The following MARCHF11 variants were observed in gnomAD, a reference collection of about 807,000 sequenced individuals.
MARCHF11 encodes membrane associated ring-CH-type finger 11.
Under a neutral mutation model 37.3 loss-of-function variants are expected in MARCHF11, and 29 were observed. The observed-to-expected ratio is 0.78, with a 90% confidence interval of 0.58 to 1.06. MARCHF11 has a LOEUF of 1.06. Among genes scored for constraint, MARCHF11 ranks in the 50% least tolerant of loss-of-function variants. MARCHF11 has a pLI of 0.00. For missense variants in MARCHF11, 482 were observed against 533.4 expected, an observed-to-expected ratio of 0.90 and a Z score of 0.95; for synonymous variants, 233 against 228.0, an observed-to-expected ratio of 1.02 and a Z score of -0.20.
At chr5:16,155,961 C>T (rs909117454) in intron 2 of MARCHF11, among the ~76,000 whole-genome samples, 3 of 151,902 alleles carry the variant, frequency 2.0e-5, no homozygotes, top group Non-Finnish European at 4.4e-5. Context: ...CTACTCCAGA[C>T]GGCTCTCAAA....
chr5:16,087,986 T>TTC (rs976555510), intron 3 of MARCHF11, among the ~76,000 whole-genome samples: 131 of 152,360 alleles, frequency 8.6e-4, no homozygotes, highest in African/African-American at 3.1e-3. Flanking sequence ...GCCAACCTGT[T>TTC]TCTTCTACTT....
At chr5:16,126,126 C>T (rs142805461) in intron 2 of MARCHF11, among the ~76,000 whole-genome samples, 1 of 152,276 alleles carries the variant, frequency 6.6e-6, no homozygotes, top group African/African-American at 2.4e-5. Context: ...CAATTAAGTA[C>T]TGTAACCTAG....
At chr5:16,079,067 G>A (rs1235635308) in intron 3 of MARCHF11, among the ~76,000 whole-genome samples, 1 of 152,134 alleles carries the variant, frequency 6.6e-6, no homozygotes, top group Non-Finnish European at 1.5e-5. Context: ...TGGATGGTTT[G>A]ACCCCTGACT....
chr5:16,103,744 T>C (rs1390347396), intron 2 of MARCHF11, among the ~76,000 whole-genome samples: 1 of 152,168 alleles, frequency 6.6e-6, no homozygotes, highest in Non-Finnish European at 1.5e-5. Flanking sequence ...TTAACTGACC[T>C]GGCAGTTTCT....
chr5:16,115,169 T>C (rs553269809), intron 2 of MARCHF11, among the ~76,000 whole-genome samples: 1 of 152,346 alleles, frequency 6.6e-6, no homozygotes, highest in Admixed American at 6.5e-5. Flanking sequence ...TAACTTAAAA[T>C]GAAGTATCGA....
intron 3 of MARCHF11, among the ~76,000 whole-genome samples, chr5:16,081,893 T>C (rs914536162): frequency 2.0e-5 from 3 of 152,158 alleles, no homozygotes; most frequent in Non-Finnish European, 4.4e-5. Flanking sequence ...TGCACAGCAC[T>C]AAGGGGCAAG....
At chr5:16,178,132 C>T (rs1389311980) in intron 1 of MARCHF11, among the ~76,000 whole-genome samples, 1 of 152,202 alleles carries the variant, frequency 6.6e-6, no homozygotes, top group Non-Finnish European at 1.5e-5. Flanking sequence ...ATATAGCTCC[C>T]AATACCCGTG....
intron 2 of MARCHF11, among the ~76,000 whole-genome samples, chr5:16,120,918 G>A (rs1303922085): frequency 6.6e-6 from 1 of 152,196 alleles, no homozygotes. Flanking sequence ...GAACTGCCCA[G>A]CTGAGCCCAG....
chr5:16,171,821 A>T (rs1289047901), intron 2 of MARCHF11, among the ~76,000 whole-genome samples: 1 of 152,200 alleles, frequency 6.6e-6, no homozygotes, highest in Non-Finnish European at 1.5e-5. Context: ...TCTTCTTGTC[A>T]TCCTGACTTG....
intron 3 of MARCHF11, among the ~76,000 whole-genome samples, chr5:16,085,119 C>T (rs1032366306): frequency 1.3e-5 from 2 of 152,042 alleles, no homozygotes; most frequent in Non-Finnish European, 2.9e-5. Flanking sequence ...AGCTATTTTT[C>T]TTGAAGCAAT....
intron 2 of MARCHF11, among the ~76,000 whole-genome samples, chr5:16,175,302 A>G (rs1427618171): frequency 1.3e-5 from 2 of 152,234 alleles, no homozygotes; most frequent in Non-Finnish European, 2.9e-5. Flanking sequence ...GCAACAGTAG[A>G]CAGTCAAAAC....
intron 3 of MARCHF11, among the ~76,000 whole-genome samples, chr5:16,082,419 A>ATGTC (rs2126550541): frequency 6.6e-6 from 1 of 152,310 alleles, no homozygotes; most frequent in South Asian, 2.1e-4. Flanking sequence ...TGCAACAGTC[A>ATGTC]TGTCTGTGTG....
intron 2 of MARCHF11, among the ~76,000 whole-genome samples, chr5:16,145,354 T>C (rs140043564): frequency 1.1e-3 from 162 of 151,806 alleles, no homozygotes; most frequent in African/African-American, 3.6e-3. Context: ...AGGAGGGGAG[T>C]TGCTCTCTCA....
chr5:16,151,028 T>C (rs1201712873), intron 2 of MARCHF11, among the ~76,000 whole-genome samples: 2 of 152,078 alleles, frequency 1.3e-5, no homozygotes, highest in Admixed American at 6.6e-5. Context: ...GTCAGTATTC[T>C]AGTAAATGTC....
intron 2 of MARCHF11, among the ~76,000 whole-genome samples, chr5:16,098,748 G>A (rs1407995639): frequency 6.8e-6 from 1 of 147,516 alleles, no homozygotes; most frequent in African/African-American, 2.6e-5. Context: ...AGCCTGAGAG[G>A]CAGAGTGAGA....
chr5:16,084,477 T>A (rs1260819881), intron 3 of MARCHF11, among the ~76,000 whole-genome samples: 1 of 152,068 alleles, frequency 6.6e-6, no homozygotes, highest in Non-Finnish European at 1.5e-5. Flanking sequence ...ACCCCGTCTC[T>A]ACTAAAAATA....
At chr5:16,104,952 C>T (rs1012775061) in intron 2 of MARCHF11, among the ~76,000 whole-genome samples, 1 of 152,182 alleles carries the variant, frequency 6.6e-6, no homozygotes, top group Non-Finnish European at 1.5e-5. Flanking sequence ...CATCCCACAT[C>T]CCACAGTGCC....
intron 2 of MARCHF11, 22 bp from the exon 3 acceptor site, chr5:16,091,103 G>A (rs771746951): frequency 1.3e-6 from 2 of 1,527,184 alleles, no homozygotes; most frequent in South Asian, 2.5e-5. Context: ...ACAGAGGCAT[G>A]TAAGAAAGGA....
intron 2 of MARCHF11, among the ~76,000 whole-genome samples, chr5:16,128,037 G>A (rs1737444667): frequency 6.6e-6 from 1 of 152,126 alleles, no homozygotes; most frequent in East Asian, 1.9e-4. Context: ...GCCCCTCCCA[G>A]GTGCTAGTGC....
Sources: gnomAD v4.1 joint callset for allele counts (sites outside exome capture counted in the v4.1 genomes callset) on GRCh38, gnomAD v4.1.1 for gene constraint, MANE v1.5 for transcripts, NCBI Gene and HGNC (gene_info 2026-07-23, HGNC 2026-07-21) for gene names.